ARID5B: variants seen among roughly 807,000 people sequenced by gnomAD.
ARID5B encodes AT-rich interactive domain-containing protein 5B.
Under a neutral mutation model 97.2 loss-of-function variants are expected in ARID5B, and 13 were observed. That is an observed-to-expected ratio of 0.13 (90% CI 0.09 to 0.21). The LOEUF is 0.21. Among genes scored for constraint, ARID5B ranks in the 10% least tolerant of loss-of-function variants. ARID5B has a pLI of 1.00. For missense variants in ARID5B, 1,210 were observed against 1,465.3 expected (o/e 0.83, Z 2.84); for synonymous variants, 556 against 570.3 (o/e 0.97, Z 0.36).
At chr10:62,069,274 C>G (rs1034992467) in intron 7 of ARID5B, among the ~76,000 whole-genome samples, 3 of 152,192 alleles carry the variant, frequency 2.0e-5, no homozygotes, top group African/African-American at 7.2e-5. Context: ...CCTCTATACC[C>G]GGTTCCCCAT....
At chr10:62,058,237 T>C (rs1423976311) in intron 6 of ARID5B, among the ~76,000 whole-genome samples, 1 of 152,204 alleles carries the variant, frequency 6.6e-6, no homozygotes, top group Non-Finnish European at 1.5e-5. Flanking sequence ...AGAAGTAAAA[T>C]TAATGTATTA....
In ARID5B at chr10:62,092,561, C is replaced by A; in HGVS notation, c.3098C>A (p.Pro1033His). The A allele has an allele frequency of 6.2e-7, 1 of 1,614,164 alleles. No homozygotes were observed. The highest frequency in any genetic ancestry group is 8.5e-7 in the Non-Finnish European group (1 of 1,180,024). ...IAGKKARAVS[P>H]LDPSKEVSGK... ...GGGAAAAAGGCCCGGGCAGTGTCTC[C>A]CTTAGACCCATCCAAGGAGGTCTCT... Residue 1033 changes from proline to histidine, a missense_variant, in exon 10 of 10, where the codon CCC becomes CAC. By Grantham distance (77) the Pro-to-His change is moderately conservative. This residue lies in a region of ARID5B where 800 missense variants were observed against 839.1 expected (regional missense o/e 0.95). Transcript: ENST00000279873.
intron 2 of ARID5B, among the ~76,000 whole-genome samples, chr10:61,938,957 T>C (rs1054761432): frequency 8.2e-6 from 1 of 121,986 alleles, no homozygotes; most frequent in Admixed American, 8.6e-5. Context: ...TTTGTTCGAA[T>C]TGGAGAAGTG....
At chr10:61,921,945 G>A (rs962061556) in intron 2 of ARID5B, among the ~76,000 whole-genome samples, 10 of 152,048 alleles carry the variant, frequency 6.6e-5, no homozygotes, top group Admixed American at 2.6e-4. Flanking sequence ...TGGCTCAAGC[G>A]ATCCTCCCAC....
intron 3 of ARID5B, among the ~76,000 whole-genome samples, chr10:61,966,102 A>G (rs1838541618): frequency 6.6e-6 from 1 of 152,218 alleles, no homozygotes; most frequent in African/African-American, 2.4e-5. Flanking sequence ...CCCACTATGC[A>G]GAGGCTTACC....
chr10:62,051,289 G>A (rs530391519), intron 5 of ARID5B, among the ~76,000 whole-genome samples: 1 of 152,292 alleles, frequency 6.6e-6, no homozygotes, highest in Non-Finnish European at 1.5e-5. Flanking sequence ...ACGTCATTGA[G>A]GCTGAGATTT....
chr10:62,065,807 C>G (rs112819359), intron 7 of ARID5B, among the ~76,000 whole-genome samples: 2,297 of 141,260 alleles, frequency 0.016, 58 homozygotes, highest in African/African-American at 0.057. Flanking sequence ...GATCGCGCCA[C>G]TGCACTCCAG....
chr10:61,998,963 C>G (rs1264589246), intron 3 of ARID5B, among the ~76,000 whole-genome samples: 1 of 152,184 alleles, frequency 6.6e-6, no homozygotes, highest in Non-Finnish European at 1.5e-5. Flanking sequence ...ACTCCAAGAC[C>G]CAGACTGGCA....
At chr10:61,941,706 G>C (rs971697846) in intron 3 of ARID5B, among the ~76,000 whole-genome samples, 2 of 152,072 alleles carry the variant, frequency 1.3e-5, no homozygotes, top group African/African-American at 4.8e-5. Flanking sequence ...AACTATCAAC[G>C]GTTTCCTGGC....
intron 3 of ARID5B, among the ~76,000 whole-genome samples, chr10:61,996,892 A>T (rs1240264055): frequency 6.7e-6 from 1 of 148,774 alleles, no homozygotes; most frequent in Non-Finnish European, 1.5e-5. Context: ...ACTGAAAAAA[A>T]AAAATATATA....
At chr10:62,078,051 GT>G (rs1253882254) in intron 8 of ARID5B, among the ~76,000 whole-genome samples, 1 of 152,248 alleles carries the variant, frequency 6.6e-6, no homozygotes, top group Non-Finnish European at 1.5e-5. Context: ...AATAATAAAT[GT>G]TGTGGGAGAA....
intron 4 of ARID5B, among the ~76,000 whole-genome samples, chr10:62,044,756 T>G (rs1420389880): frequency 6.6e-6 from 1 of 152,188 alleles, no homozygotes; most frequent in Non-Finnish European, 1.5e-5. Context: ...TTTGCAGTAT[T>G]GTGTTTCCAT....
At chr10:61,994,607 C>G (rs942496975) in intron 3 of ARID5B, among the ~76,000 whole-genome samples, 1 of 152,138 alleles carries the variant, frequency 6.6e-6, no homozygotes, top group African/African-American at 2.4e-5. Flanking sequence ...ACCCTTTCTC[C>G]CCGACTCCTT....
chr10:61,918,973 G>T (rs983813898), intron 2 of ARID5B, among the ~76,000 whole-genome samples: 4 of 146,864 alleles, frequency 2.7e-5, no homozygotes, highest in Non-Finnish European at 4.5e-5. Flanking sequence ...GGCGGAGATT[G>T]CAGTGAGACG....
intron 3 of ARID5B, among the ~76,000 whole-genome samples, chr10:61,975,651 G>A (rs1025170721): frequency 6.6e-6 from 1 of 152,064 alleles, no homozygotes; most frequent in Non-Finnish European, 1.5e-5. Context: ...GGTTTTATAA[G>A]TATTAAATGG....
chr10:62,069,575 T>C (rs1011396349), intron 7 of ARID5B, 125 bp from the exon 8 acceptor site: 1 of 781,100 alleles, frequency 1.3e-6, no homozygotes, highest in African/African-American at 1.7e-5. Flanking sequence ...TATACTCTTT[T>C]GGACTTCTCT....
At chr10:61,985,416 T>C (rs1838833667) in intron 3 of ARID5B, among the ~76,000 whole-genome samples, 1 of 152,064 alleles carries the variant, frequency 6.6e-6, no homozygotes, top group Admixed American at 6.5e-5. Flanking sequence ...AGGTATTCCC[T>C]TGGTGTCTGA....
chr10:62,044,415 C>G (rs898979286), intron 4 of ARID5B, among the ~76,000 whole-genome samples: 10 of 139,752 alleles, frequency 7.2e-5, no homozygotes, highest in Admixed American at 3.1e-4. Flanking sequence ...AGGTCTCACT[C>G]TGTCACCCAG....
At chr10:62,032,489 G>A (rs890979686) in intron 4 of ARID5B, among the ~76,000 whole-genome samples, 13 of 152,002 alleles carry the variant, frequency 8.6e-5, no homozygotes, top group Admixed American at 6.6e-5. Flanking sequence ...AGGCTGAGGC[G>A]GCAGATCACG....
Sources: allele counts gnomAD v4.1 joint callset (sites outside exome capture counted in the v4.1 genomes callset), GRCh38; gene constraint gnomAD v4.1.1; regional missense constraint gnomAD v4.1.1; transcripts MANE v1.5; gene names NCBI Gene and HGNC (gene_info 2026-07-23, HGNC 2026-07-21).